Variants in ENTREP2 observed in about 807,000 individuals in gnomAD.
The protein encoded by ENTREP2 is endosomal transmembrane epsin interactor 2.
the ENTREP2 span, among the ~76,000 whole-genome samples, chr15:29,359,875 A>T: frequency 2.0e-5 from 3 of 152,244 alleles, no homozygotes; most frequent in African/African-American, 7.2e-5. Flanking sequence ...AAATCAGGGT[A>T]AAATAAAATT....
chr15:29,349,861 C>G, the ENTREP2 span, among the ~76,000 whole-genome samples: 5 of 152,070 alleles, frequency 3.3e-5, no homozygotes, highest in African/African-American at 1.2e-4. Context: ...TAGCACCACT[C>G]TGCACTCCAG....
the ENTREP2 span, among the ~76,000 whole-genome samples, chr15:29,171,070 C>G: frequency 5.3e-5 from 8 of 152,144 alleles, no homozygotes; most frequent in Non-Finnish European, 8.8e-5. Flanking sequence ...AACCCACTCT[C>G]ACCATAACTA....
chr15:29,368,837 T>C, the ENTREP2 span, among the ~76,000 whole-genome samples: 2 of 151,968 alleles, frequency 1.3e-5, no homozygotes, highest in African/African-American at 2.4e-5. Context: ...GCTATGATCA[T>C]ACCACTGCAC....
the ENTREP2 span, among the ~76,000 whole-genome samples, chr15:29,474,803 C>T: frequency 6.6e-6 from 1 of 152,066 alleles, no homozygotes; most frequent in Non-Finnish European, 1.5e-5. Flanking sequence ...GATTTACTCG[C>T]GCCTCAGCCT....
the ENTREP2 span, among the ~76,000 whole-genome samples, chr15:29,648,608 AG>A: frequency 1.3e-5 from 2 of 152,348 alleles, no homozygotes; most frequent in South Asian, 4.1e-4. Context: ...TAAATGATCA[AG>A]GTCAATACCA....
At chr15:29,487,882 G>A in the ENTREP2 span, among the ~76,000 whole-genome samples, 2 of 152,154 alleles carry the variant, frequency 1.3e-5, no homozygotes, top group East Asian at 1.9e-4. Flanking sequence ...TAGTAGAGAC[G>A]GGATTTTGCC....
At chr15:29,559,574 G>C in the ENTREP2 span, among the ~76,000 whole-genome samples, 1 of 151,976 alleles carries the variant, frequency 6.6e-6, no homozygotes, top group Non-Finnish European at 1.5e-5. Flanking sequence ...TCCTCCTGGG[G>C]GCTCCAGGAG....
the ENTREP2 span, among the ~76,000 whole-genome samples, chr15:29,493,384 C>T: frequency 6.6e-6 from 1 of 151,574 alleles, no homozygotes; most frequent in Non-Finnish European, 1.5e-5. Flanking sequence ...CCGCCCGCCT[C>T]GGCCTCCCAA....
chr15:29,155,010 T>C, the ENTREP2 span, among the ~76,000 whole-genome samples: 1,191 of 150,698 alleles, frequency 7.9e-3, 6 homozygotes, highest in African/African-American at 0.023. Context: ...CGGCCGGGCG[T>C]GGTGGCTCAT....
the ENTREP2 span, among the ~76,000 whole-genome samples, chr15:29,620,533 G>A: frequency 6.6e-6 from 1 of 152,104 alleles, no homozygotes; most frequent in Admixed American, 6.5e-5. Flanking sequence ...AGCTACTTGG[G>A]AGGCTGAGGC....
At chr15:29,498,380 C>A in the ENTREP2 span, among the ~76,000 whole-genome samples, 4 of 152,066 alleles carry the variant, frequency 2.6e-5, no homozygotes, top group African/African-American at 9.7e-5. Context: ...CTACTGATTT[C>A]TTCTGCTCCA....
At chr15:29,338,110 GACTGCAGAGCTATGTGCCCA>G in the ENTREP2 span, among the ~76,000 whole-genome samples, 1 of 152,072 alleles carries the variant, frequency 6.6e-6, no homozygotes, top group Non-Finnish European at 1.5e-5. Context: ...GCAGACAGGA[GACTGCAGAGCTATGTGCCCA>G]ACCAACCTCA....
the ENTREP2 span, among the ~76,000 whole-genome samples, chr15:29,410,515 C>A: frequency 1.3e-5 from 2 of 151,846 alleles, no homozygotes; most frequent in Non-Finnish European, 2.9e-5. Flanking sequence ...CACTCCAGTC[C>A]CCTCAGGAGC....
the ENTREP2 span, among the ~76,000 whole-genome samples, chr15:29,215,800 A>G: frequency 2.6e-5 from 4 of 151,978 alleles, no homozygotes; most frequent in Non-Finnish European, 5.9e-5. Context: ...GTGTTGGGTG[A>G]GTCTCCTGAA....
the ENTREP2 span, among the ~76,000 whole-genome samples, chr15:29,345,346 C>T: frequency 3.3e-5 from 5 of 152,120 alleles, no homozygotes; most frequent in Admixed American, 2.0e-4. Flanking sequence ...GCAGCTCAGC[C>T]GAGTGGGGCT....
chr15:29,204,125 C>A, the ENTREP2 span, among the ~76,000 whole-genome samples: 1 of 152,126 alleles, frequency 6.6e-6, no homozygotes, highest in Non-Finnish European at 1.5e-5. Context: ...GGTGTGCAGG[C>A]GGCTGACAGA....
the ENTREP2 span, among the ~76,000 whole-genome samples, chr15:29,222,332 C>T: frequency 1.3e-5 from 2 of 152,194 alleles, no homozygotes; most frequent in African/African-American, 2.4e-5. Flanking sequence ...TAATCCTCCC[C>T]TTGTTTAGCA....
At chr15:29,652,538 C>T in the ENTREP2 span, among the ~76,000 whole-genome samples, 1 of 152,204 alleles carries the variant, frequency 6.6e-6, no homozygotes, top group South Asian at 2.1e-4. Context: ...GAGCTGAGGC[C>T]CTTTAGGGAG....
chr15:29,389,333 G>C, the ENTREP2 span, among the ~76,000 whole-genome samples: 126,727 of 151,664 alleles, frequency 0.84, 53,069 homozygotes, highest in African/African-American at 0.89. Flanking sequence ...TACGACATCC[G>C]GAGTGGGACA....
Sources: allele counts gnomAD v4.1 joint callset (sites outside exome capture counted in the v4.1 genomes callset), GRCh38; gene constraint gnomAD v4.1.1; transcripts MANE v1.5; gene names NCBI Gene and HGNC (gene_info 2026-07-23, HGNC 2026-07-21).